Variants in BLOC1S3 observed in about 807,000 individuals in gnomAD.
The protein encoded by BLOC1S3 is biogenesis of lysosome-related organelles complex 1 subunit 3.
A neutral mutation model predicts 9.1 loss-of-function variants in BLOC1S3; 7 were observed. That is an observed-to-expected ratio of 0.77 (90% confidence interval 0.44 to 1.45). The LOEUF (loss-of-function observed/expected upper bound fraction) is 1.45. BLOC1S3 is among the 40% of genes most tolerant of loss of function. BLOC1S3 has a pLI of 0.01. For synonymous variants in BLOC1S3, 145 were observed against 158.4 expected, an observed-to-expected ratio of 0.92 and a Z score of 0.64; for missense variants, 307 against 315.2, an observed-to-expected ratio of 0.97 and a Z score of 0.20.
chr19:45,195,096 A>T (rs1969637210), intron 2 of BLOC1S3, among the ~76,000 whole-genome samples: 1 of 151,874 alleles, frequency 6.6e-6, no homozygotes. Context: ...CGTAGTAGAG[A>T]TGGGGTTTCT....
chr19:45,198,616 C>T (rs1033383830), intron 2 of BLOC1S3, among the ~76,000 whole-genome samples: 5 of 151,960 alleles, frequency 3.3e-5, no homozygotes, highest in African/African-American at 7.2e-5. Context: ...TTCAATATGT[C>T]GTGCCACTCT....
In BLOC1S3 at chr19:45,201,998, T is replaced by C. The variant is rs930796184; in HGVS notation, n.181-408T>C. ...CAGCACTTTGGGAGGCCGAGGCGGG[T>C]GGATCATGAGGTCAGGAGATCGAGA... is the stretch of plus-strand genomic sequence containing the variant. On this transcript the variant is annotated intron_variant and non_coding_transcript_variant, in intron 2 of 3. Coordinates refer to the BLOC1S3 transcript ENST00000591569. Among the ~76,000 whole-genome samples the C allele has an allele frequency of 7.9e-5, 12 of 151,142 alleles. No individual in the cohort carries two copies. In the East Asian group the frequency reaches 1.4e-3, roughly 17 times the overall value.
At chr19:45,213,437 A>AC in intron 3 of BLOC1S3, 1 of 1,532,718 alleles carries the variant, frequency 6.5e-7, no homozygotes, top group Admixed American at 2.1e-5. Context: ...ACCCCACCTG[A>AC]CCCCCTCACC....
chr19:45,189,436 T>C (rs1313538418), intron 2 of BLOC1S3, among the ~76,000 whole-genome samples: 1 of 151,678 alleles, frequency 6.6e-6, no homozygotes, highest in East Asian at 1.9e-4. Context: ...TCTTTTTTTT[T>C]TTTTTCTTTT....
chr19:45,188,733 T>C (rs1460103433), intron 2 of BLOC1S3, among the ~76,000 whole-genome samples: 1 of 151,194 alleles, frequency 6.6e-6, no homozygotes, highest in African/African-American at 2.4e-5. Flanking sequence ...CCCCCATGCC[T>C]GGCTAATTTT....
In BLOC1S3 at chr19:45,180,736, T is replaced by C. The variant is rs1488656581; in HGVS notation, c.*831T>C. On this transcript the variant is annotated 3_prime_UTR_variant, in exon 2 of 2. Coordinates refer to ENST00000433642, the MANE Select transcript of BLOC1S3 (RefSeq NM_212550.5). ...CTTCACCCTAGGCTGGGTCCTTGTT[T>C]TGTTTTTAGAGACAGGGTCTCACTG... 1.2e-5 allele frequency: 2 copies of C among 167,032 alleles called. No homozygotes were observed. The highest frequency in any genetic ancestry group is 2.9e-5 in the Non-Finnish European group (2 of 68,198). The allele number at this position is 167,032 out of a possible 1,614,324, so 10.3% of individuals were successfully genotyped here.
chr19:45,195,495 C>T (rs1568473968), intron 2 of BLOC1S3, among the ~76,000 whole-genome samples: 1 of 152,228 alleles, frequency 6.6e-6, no homozygotes, highest in East Asian at 1.9e-4. Context: ...GCATGAGCCA[C>T]AGGGCCCAGC....
chr19:45,182,373 T>C (rs1029446962), downstream of BLOC1S3, among the ~76,000 whole-genome samples: 3 of 148,352 alleles, frequency 2.0e-5, no homozygotes, highest in Non-Finnish European at 4.5e-5. Flanking sequence ...GGACTCTGTC[T>C]CAAAAATAAA....
chr19:45,213,052 C>T (rs573580395), intron 3 of BLOC1S3: 8 of 1,468,092 alleles, frequency 5.4e-6, no homozygotes, highest in South Asian at 4.3e-5. Flanking sequence ...TCACTAAGGC[C>T]GGCGGTTGGG....
chr19:45,199,925 CCA>C (rs1187321605), intron 2 of BLOC1S3, among the ~76,000 whole-genome samples: 1 of 151,830 alleles, frequency 6.6e-6, no homozygotes, highest in Non-Finnish European at 1.5e-5. Flanking sequence ...ACCACCATGC[CCA>C]GCTAATTTTT....
At chr19:45,185,828 T>C (rs1455167684), downstream of BLOC1S3, among the ~76,000 whole-genome samples, 1 of 151,824 alleles carries the variant, frequency 6.6e-6, no homozygotes, top group East Asian at 2.0e-4. Context: ...GATACCTAGA[T>C]GGGTCAGGTG....
downstream of BLOC1S3, among the ~76,000 whole-genome samples, chr19:45,184,307 G>T (rs1251555767): frequency 6.6e-6 from 1 of 152,124 alleles, no homozygotes; most frequent in African/African-American, 2.4e-5. Context: ...GGGTGGGATG[G>T]TAAGAAATGG....
Position 45,200,536 on chromosome 19 carries a change from T to C in BLOC1S3, n.181-1870T>C, listed in dbSNP as rs566314693. 2.6e-5 allele frequency among the ~76,000 whole-genome samples: 4 copies of C among 152,336 alleles called. No homozygotes were observed. In the East Asian group the frequency reaches 7.7e-4, roughly 29 times the overall value. On this transcript the variant is annotated intron_variant and non_coding_transcript_variant, in intron 2 of 3. Coordinates refer to the BLOC1S3 transcript ENST00000591569. ...CAATCTGTTTGGTTAATTTATCCGATAGGATTCTGAATCCCTTCTCTGTGT... is the reference window on the plus strand; with the variant it reads ...CAATCTGTTTGGTTAATTTATCCGACAGGATTCTGAATCCCTTCTCTGTGT...
At chr19:45,191,605 C>G (rs754398513) in intron 2 of BLOC1S3, among the ~76,000 whole-genome samples, 1 of 152,222 alleles carries the variant, frequency 6.6e-6, no homozygotes, top group Non-Finnish European at 1.5e-5. Context: ...GTGTTGCGAT[C>G]TAAGTCTTTA....
chr19:45,207,931 G>T (rs1453568724), intron 3 of BLOC1S3, among the ~76,000 whole-genome samples: 5 of 151,450 alleles, frequency 3.3e-5, no homozygotes, highest in Admixed American at 1.3e-4. Context: ...TATATAAGAT[G>T]TTAGCATCAG....
intron 2 of BLOC1S3, among the ~76,000 whole-genome samples, chr19:45,193,132 CAAAAAAAAA>C (rs71173123): frequency 0.018 from 1,433 of 77,902 alleles, 20 homozygotes; most frequent in Middle Eastern, 0.085. Flanking sequence ...AACTCCGTCT[CAAAAAAAAA>C]AAAAAAAAAA....
chr19:45,199,753 C>A (rs1227690505), intron 2 of BLOC1S3, among the ~76,000 whole-genome samples: 1 of 151,670 alleles, frequency 6.6e-6, no homozygotes, highest in Non-Finnish European at 1.5e-5. Flanking sequence ...TTCTCCTCCT[C>A]TCCTCTCCTC....
chr19:45,194,662 C>T (rs116728659), intron 2 of BLOC1S3, among the ~76,000 whole-genome samples: 1 of 152,272 alleles, frequency 6.6e-6, no homozygotes, highest in African/African-American at 2.4e-5. Flanking sequence ...CTGCTGTACA[C>T]AACATGAATG....
intron 2 of BLOC1S3, among the ~76,000 whole-genome samples, chr19:45,189,525 C>T (rs548849321): frequency 4.0e-5 from 6 of 151,238 alleles, no homozygotes; most frequent in Admixed American, 6.6e-5. Context: ...CTCTACCTCC[C>T]AGGTTCAAGT....
Sources: gnomAD v4.1 joint callset for allele counts (sites outside exome capture counted in the v4.1 genomes callset) on GRCh38, gnomAD v4.1.1 for gene constraint, MANE v1.5 for transcripts, NCBI Gene and HGNC (gene_info 2026-07-23, HGNC 2026-07-21) for gene names.